Variants in LRRC7 observed in about 807,000 individuals in gnomAD.
The protein encoded by LRRC7 is leucine-rich repeat-containing protein 7.
LRRC7 carries 23 observed loss-of-function variants against 175.7 expected under a neutral mutation model. The ratio of observed to expected loss-of-function variants is 0.13; its 90% CI spans 0.09 to 0.19. LRRC7 has a LOEUF of 0.19. LRRC7 is among the 10% of genes least tolerant of loss of function. The pLI is 1.00. For missense variants in LRRC7, 1,354 were observed against 1,904.7 expected (o/e 0.71, Z 5.38); for synonymous variants, 685 against 680.9 (o/e 1.01, Z -0.09).
At chr1:69,937,077 A>G (rs1428257829) in intron 8 of LRRC7, among the ~76,000 whole-genome samples, 4 of 152,066 alleles carry the variant, frequency 2.6e-5, no homozygotes, top group African/African-American at 9.7e-5. Context: ...TAAAATGAAT[A>G]ATTTGTTTAT....
chr1:69,789,021 T>TGAAA (rs1674815040), intron 3 of LRRC7, among the ~76,000 whole-genome samples: 2 of 152,330 alleles, frequency 1.3e-5, no homozygotes, highest in South Asian at 4.1e-4. Flanking sequence ...AATGAATGAA[T>TGAAA]GAAATATTTT....
At chr1:69,680,774 G>T (rs1268372544) in intron 2 of LRRC7, among the ~76,000 whole-genome samples, 1 of 151,360 alleles carries the variant, frequency 6.6e-6, no homozygotes, top group Non-Finnish European at 1.5e-5. Flanking sequence ...AATTTGACCA[G>T]ATGCAGGACC....
intron 7 of LRRC7, among the ~76,000 whole-genome samples, chr1:69,889,776 A>G (rs1297113907): frequency 6.6e-6 from 1 of 152,168 alleles, no homozygotes; most frequent in Non-Finnish European, 1.5e-5. Flanking sequence ...CACTCACTCC[A>G]GCCTGGAAGA....
intron 18 of LRRC7, among the ~76,000 whole-genome samples, chr1:70,033,578 A>T (rs1658996259): frequency 6.6e-6 from 1 of 151,864 alleles, no homozygotes; most frequent in Non-Finnish European, 1.5e-5. Context: ...TAATTAGCTG[A>T]TAATCATCCT....
In LRRC7 at chr1:70,042,014, A is replaced by T. The variant is rs142744318; in HGVS notation, c.3970-1940A>T. Among the ~76,000 whole-genome samples, 3 of 152,338 alleles carry T rather than the reference A, an allele frequency of 2.0e-5. No individual in the cohort carries two copies. The South Asian group carries it at 6.2e-4, about 32-fold the overall frequency. ...CTTCATATAACCTCTGTTTGTGTAC[A>T]GTTCCCTAGGTGTCTTTCATTTTTC... is the stretch of plus-strand genomic sequence containing the variant. On this transcript the variant is annotated intron_variant, in intron 21 of 26. Coordinates refer to ENST00000651989, the MANE Select transcript of LRRC7 (RefSeq NM_001370785.2).
At chr1:69,814,516 C>A (rs1468609331) in intron 4 of LRRC7, among the ~76,000 whole-genome samples, 1 of 152,080 alleles carries the variant, frequency 6.6e-6, no homozygotes, top group Non-Finnish European at 1.5e-5. Flanking sequence ...CTCAGAATAA[C>A]CCTCTGAATT....
intron 7 of LRRC7, among the ~76,000 whole-genome samples, chr1:69,862,691 A>G (rs911686050): frequency 6.6e-6 from 1 of 152,130 alleles, no homozygotes; most frequent in African/African-American, 2.4e-5. Flanking sequence ...TTTTAGAGTC[A>G]TTGTTCATAT....
At chr1:69,908,098 A>C (rs183521867) in intron 7 of LRRC7, among the ~76,000 whole-genome samples, 1 of 152,178 alleles carries the variant, frequency 6.6e-6, no homozygotes, top group Admixed American at 6.5e-5. Context: ...CTGTGACATC[A>C]GTGGTGATAT....
rs563636250 is a variant in LRRC7, at chr1:69,648,399, G to A, written c.3-29982G>A. 3.9e-5 allele frequency among the ~76,000 whole-genome samples: 6 copies of A among 152,194 alleles called. 1 individual carries two copies. Among genetic ancestry groups the A allele is most frequent in the African/African-American group, 1.4e-4 (6 of 41,528 alleles). ...ACATACTCACTAGATGAGCAAGGGT[G>A]GAGCCTATTAATCCTGAAAACCAAT... is the stretch of plus-strand genomic sequence containing the variant. On this transcript the variant is annotated intron_variant, in intron 1 of 26. Coordinates refer to ENST00000651989, the MANE Select transcript of LRRC7 (RefSeq NM_001370785.2).
intron 7 of LRRC7, among the ~76,000 whole-genome samples, chr1:69,915,687 C>A (rs760935734): frequency 1.1e-4 from 16 of 151,942 alleles, no homozygotes; most frequent in Non-Finnish European, 2.2e-4. Context: ...AAAAATCATG[C>A]AACACTTATA....
At chr1:70,064,313 GAAAAAGAATATCTACA>G (rs1558038520) in intron 23 of LRRC7, among the ~76,000 whole-genome samples, 1 of 151,958 alleles carries the variant, frequency 6.6e-6, no homozygotes, top group Admixed American at 6.6e-5. Context: ...GTTATAATCA[GAAAAAGAATATCTACA>G]GTACATACAG....
At chr1:69,937,621 T>C (rs1648182780) in intron 8 of LRRC7, among the ~76,000 whole-genome samples, 1 of 152,042 alleles carries the variant, frequency 6.6e-6, no homozygotes, top group Non-Finnish European at 1.5e-5. Context: ...ACTTTATCTG[T>C]AGGTTCATAT....
intron 5 of LRRC7, 59 bp downstream of exon 5, chr1:69,825,885 C>A: frequency 9.5e-7 from 1 of 1,053,798 alleles, no homozygotes; most frequent in Non-Finnish European, 1.4e-6. Context: ...AATAATGTAC[C>A]TAAATAGAGG....
rs1664741731 is a variant in LRRC7, at chr1:70,100,611, CCTTT to C, written c.4546-7138_4546-7135del. Among the ~76,000 whole-genome samples the C allele has an allele frequency of 2.0e-5, 3 of 152,026 alleles. 1 individual carries two copies. Among genetic ancestry groups the C allele is most frequent in the South Asian group, 4.1e-4 (2 of 4,822 alleles). On this transcript the variant is annotated intron_variant, in intron 25 of 26. Transcript: ENST00000651989. ...TTTAAAAATTAATGAAACTGAAATTCCTTTCTATGTGTAAAATTTTTGTTAAACT... is the reference window on the plus strand; with the variant it reads ...TTTAAAAATTAATGAAACTGAAATTCCTATGTGTAAAATTTTTGTTAAACT...
intron 4 of LRRC7, among the ~76,000 whole-genome samples, chr1:69,814,541 T>C (rs995324897): frequency 6.6e-5 from 10 of 152,188 alleles, no homozygotes; most frequent in African/African-American, 2.2e-4. Context: ...AAGAAATGAC[T>C]AATTCTTTCA....
chr1:69,948,654 G>A (rs1649593622), intron 8 of LRRC7, among the ~76,000 whole-genome samples: 2 of 152,148 alleles, frequency 1.3e-5, no homozygotes, highest in African/African-American at 4.8e-5. Context: ...CTGCACGACT[G>A]AATAATCAAT....
intron 8 of LRRC7, among the ~76,000 whole-genome samples, chr1:69,938,493 G>T (rs76284257): frequency 0.042 from 6,417 of 151,974 alleles, 205 homozygotes; most frequent in East Asian, 0.15. Flanking sequence ...ATGAATTAAA[G>T]AAAAATTCCT....
intron 26 of LRRC7, among the ~76,000 whole-genome samples, chr1:70,116,389 T>A (rs553171678): frequency 6.6e-6 from 1 of 152,124 alleles, no homozygotes; most frequent in East Asian, 1.9e-4. Context: ...CTACTAAAAA[T>A]ACAGAAAATT....
chr1:69,952,779 G>A (rs1395497819), intron 8 of LRRC7, among the ~76,000 whole-genome samples: 2 of 151,880 alleles, frequency 1.3e-5, no homozygotes, highest in Non-Finnish European at 2.9e-5. Context: ...CTTCTAGTTA[G>A]TGCCAACAAA....
Sources: allele counts gnomAD v4.1 joint callset (sites outside exome capture counted in the v4.1 genomes callset), GRCh38; gene constraint gnomAD v4.1.1; transcripts MANE v1.5; gene names NCBI Gene and HGNC (gene_info 2026-07-23, HGNC 2026-07-21).